The following PBX3 variants were observed in gnomAD, a reference collection of about 807,000 sequenced individuals.
PBX3 encodes the protein PBX homeobox 3.
PBX3 carries 14 observed loss-of-function variants against 48.5 expected under a neutral mutation model. The ratio of observed to expected loss-of-function variants is 0.29; its 90% confidence interval spans 0.19 to 0.45. The LOEUF (loss-of-function observed/expected upper bound fraction) is 0.45. Ranked by LOEUF, PBX3 falls within the 20% of genes least tolerant of loss-of-function variation. PBX3 has a pLI of 1.00. For missense variants in PBX3, 386 were observed against 546.7 expected, an observed-to-expected ratio of 0.71 and a Z score of 2.93; for synonymous variants, 210 against 200.3, an observed-to-expected ratio of 1.05 and a Z score of -0.41.
chr9:125,944,001 G>A (rs1842017053), intron 5 of PBX3, among the ~76,000 whole-genome samples: 1 of 152,236 alleles, frequency 6.6e-6, no homozygotes, highest in African/African-American at 2.4e-5. Flanking sequence ...TTGGCCAGAA[G>A]CCTGAGGGCA....
chr9:125,927,081 G>A (rs1841594365), intron 3 of PBX3, among the ~76,000 whole-genome samples: 2 of 152,106 alleles, frequency 1.3e-5, no homozygotes, highest in South Asian at 2.1e-4. Flanking sequence ...GATTTCAGGA[G>A]GTCATTGACC....
At chr9:125,942,617 A>G (rs1237449916) in intron 5 of PBX3, among the ~76,000 whole-genome samples, 1 of 152,212 alleles carries the variant, frequency 6.6e-6, no homozygotes, top group Admixed American at 6.5e-5. Flanking sequence ...CTTTGGCAGT[A>G]GACAGAAGGC....
At chr9:125,872,966 G>A (rs1263185535) in intron 2 of PBX3, among the ~76,000 whole-genome samples, 1 of 151,558 alleles carries the variant, frequency 6.6e-6, no homozygotes, top group African/African-American at 2.4e-5. Flanking sequence ...TTGGGAGACC[G>A]AGGCGGGTGG....
rs182231607 is a variant in PBX3, at chr9:125,749,360, T to C, written c.274+737T>C. ...AAACTACAGGTACATATTTGGCAAA[T>C]TTTTGGCAATTCGTTTCAGTTTAAC... is the stretch of plus-strand genomic sequence containing the variant. On this transcript the variant is annotated intron_variant, in intron 2 of 8. Coordinates refer to ENST00000373489, the MANE Select transcript of PBX3 (RefSeq NM_006195.6). 2.0e-5 allele frequency: 3 copies of C among 152,262 alleles called. No homozygotes were observed. The East Asian group carries it at 5.8e-4, about 29-fold the overall frequency. 9.4% of individuals were successfully genotyped at this position (152,262 alleles called of 1,614,324 possible). A position where few individuals can be genotyped will look rare whatever the true frequency, so the allele number is the denominator to read the frequency against.
At chr9:125,901,799 G>A (rs1840951815) in intron 2 of PBX3, among the ~76,000 whole-genome samples, 2 of 151,636 alleles carry the variant, frequency 1.3e-5, no homozygotes, top group Admixed American at 1.3e-4. Context: ...AATCCACCTG[G>A]TGGACTGTTT....
intron 2 of PBX3, among the ~76,000 whole-genome samples, chr9:125,891,675 A>G (rs1041622524): frequency 1.3e-5 from 2 of 152,224 alleles, no homozygotes; most frequent in African/African-American, 2.4e-5. Context: ...AAAAATGACA[A>G]AGTTAAAAAC....
Position 125,801,665 on chromosome 9 carries a change from C to T in PBX3, c.274+53042C>T, listed in dbSNP as rs931019222. Among the ~76,000 whole-genome samples, 4 of 106,990 alleles carry T rather than the reference C, an allele frequency of 3.7e-5. No homozygotes were observed. The South Asian group carries it at 1.4e-3, about 39-fold the overall frequency. The allele number at this position is 106,990 out of a possible 152,430, so 70.2% of individuals were successfully genotyped here. A position where few individuals can be genotyped will look rare whatever the true frequency, so the allele number is the denominator to read the frequency against. The stretch of plus-strand genomic sequence containing the variant: ...ATCGTGTGATATGTTTTTTCACATT[C>T]CATCTTTTTGTATTTGAAACTGGTA... On this transcript the variant is annotated intron_variant, in intron 2 of 8. Coordinates refer to ENST00000373489, the MANE Select transcript of PBX3 (RefSeq NM_006195.6).
chr9:125,787,534 A>G (rs552767707), intron 2 of PBX3, among the ~76,000 whole-genome samples: 1 of 152,318 alleles, frequency 6.6e-6, no homozygotes, highest in East Asian at 1.9e-4. Flanking sequence ...TCATTTCTCT[A>G]GCAGGTTAAC....
intron 4 of PBX3, among the ~76,000 whole-genome samples, chr9:125,934,830 A>T (rs1841799003): frequency 6.6e-6 from 1 of 152,118 alleles, no homozygotes; most frequent in Non-Finnish European, 1.5e-5. Context: ...ACCTTGTGCC[A>T]AGTTACTATC....
intron 2 of PBX3, among the ~76,000 whole-genome samples, chr9:125,896,531 T>C (rs1262644684): frequency 6.6e-6 from 1 of 152,086 alleles, no homozygotes; most frequent in Non-Finnish European, 1.5e-5. Context: ...ATGCAATTTT[T>C]ATATTTTTGA....
At chr9:125,820,983 T>C (rs953226782) in intron 2 of PBX3, among the ~76,000 whole-genome samples, 9 of 152,210 alleles carry the variant, frequency 5.9e-5, no homozygotes, top group Non-Finnish European at 8.8e-5. Flanking sequence ...TATTTTATAC[T>C]AATCATAAAT....
intron 2 of PBX3, among the ~76,000 whole-genome samples, chr9:125,783,811 C>T (rs868159595): frequency 2.4e-4 from 37 of 151,918 alleles, no homozygotes; most frequent in African/African-American, 8.9e-4. Flanking sequence ...CCAGGCTGGC[C>T]AACATGATAA....
At chr9:125,867,608 C>G (rs1840013841) in intron 2 of PBX3, among the ~76,000 whole-genome samples, 1 of 143,046 alleles carries the variant, frequency 7.0e-6, no homozygotes, top group Non-Finnish European at 1.5e-5. Context: ...CCACTGCACT[C>G]CAATCTGGGC....
intron 2 of PBX3, among the ~76,000 whole-genome samples, chr9:125,881,346 G>A (rs1484110747): frequency 2.0e-5 from 3 of 152,242 alleles, no homozygotes; most frequent in Non-Finnish European, 4.4e-5. Context: ...AAAGCTGTGT[G>A]TTGGGATGGT....
intron 2 of PBX3, among the ~76,000 whole-genome samples, chr9:125,854,215 C>T (rs1839660304): frequency 1.3e-5 from 2 of 152,016 alleles, no homozygotes; most frequent in East Asian, 3.9e-4. Flanking sequence ...CACTGCACCC[C>T]CAACCTCCTA....
intron 2 of PBX3, among the ~76,000 whole-genome samples, chr9:125,836,949 A>C (rs367848013): frequency 6.6e-6 from 1 of 152,210 alleles, no homozygotes; most frequent in South Asian, 2.1e-4. Context: ...AATTGGTACA[A>C]CCTTTCTTTG....
intron 8 of PBX3, among the ~76,000 whole-genome samples, chr9:125,965,101 A>C (rs1842504543): frequency 6.6e-6 from 1 of 152,252 alleles, no homozygotes; most frequent in South Asian, 2.1e-4. Context: ...CTGCCACAGC[A>C]GAAATCTGAT....
intron 2 of PBX3, among the ~76,000 whole-genome samples, chr9:125,898,771 G>A (rs1057407155): frequency 4.0e-4 from 60 of 151,772 alleles, no homozygotes; most frequent in African/African-American, 1.4e-3. Flanking sequence ...ACATTCTTTT[G>A]GATATTCATG....
At chr9:125,764,480 GGCATTGTCA>G (rs1256098381) in intron 2 of PBX3, among the ~76,000 whole-genome samples, 2 of 152,122 alleles carry the variant, frequency 1.3e-5, no homozygotes, top group African/African-American at 4.8e-5. Context: ...CATGGTTCTT[GGCATTGTCA>G]GCCTAGTAGC....
Sources: allele counts gnomAD v4.1 joint callset (sites outside exome capture counted in the v4.1 genomes callset), GRCh38; gene constraint gnomAD v4.1.1; transcripts MANE v1.5; gene names NCBI Gene and HGNC (gene_info 2026-07-23, HGNC 2026-07-21).